FAM163A: variants seen among roughly 807,000 people sequenced by gnomAD.
FAM163A encodes the protein family with sequence similarity 163 member A.
FAM163A carries 7 observed loss-of-function variants against 12.0 expected under a neutral mutation model. The observed-to-expected ratio is 0.58, with a 90% CI of 0.33 to 1.10. FAM163A has a LOEUF of 1.10. Ranked by LOEUF, FAM163A falls within the 50% of genes least tolerant of loss-of-function variation. The pLI, the probability that FAM163A is intolerant of heterozygous loss-of-function variation, is 0.03. For missense variants in FAM163A, 202 were observed against 218.6 expected (o/e 0.92, Z 0.48); for synonymous variants, 101 against 91.0 (o/e 1.11, Z -0.62).
rs80272194 is a variant in FAM163A at position 179,761,309 on chromosome 1, A to T, written c.-136+17886A>T. ...ATACACAAGTATTACTTTTATGATAAGAAGCAAACAACAAACAAAGCTGCT... is the reference window on the plus strand; with the variant it reads ...ATACACAAGTATTACTTTTATGATATGAAGCAAACAACAAACAAAGCTGCT... On this transcript the variant is annotated intron_variant, in intron 1 of 4. Transcript: ENST00000341785. 1.8e-3 allele frequency among the ~76,000 whole-genome samples: 267 copies of T among 152,370 alleles called. 3 individuals carry two copies. The highest frequency in any genetic ancestry group is 0.017 in the East Asian group (88 of 5,196).
At chr1:179,759,721 C>T (rs938512102) in intron 1 of FAM163A, among the ~76,000 whole-genome samples, 4 of 151,978 alleles carry the variant, frequency 2.6e-5, no homozygotes, top group African/African-American at 7.3e-5. Context: ...GGCTGGAGTG[C>T]GGCGGCACAA....
At chr1:179,782,806 A>G (rs1168868992) in intron 1 of FAM163A, among the ~76,000 whole-genome samples, 1 of 151,898 alleles carries the variant, frequency 6.6e-6, no homozygotes, top group Non-Finnish European at 1.5e-5. Flanking sequence ...AGAATATCCA[A>G]CTCTTAGAGG....
At chr1:179,787,140 G>A (rs562080179) in intron 1 of FAM163A, among the ~76,000 whole-genome samples, 48 of 152,358 alleles carry the variant, frequency 3.2e-4, no homozygotes, top group African/African-American at 9.1e-4. Context: ...AAGTGGTCAT[G>A]GAACAAGTGG....
chr1:179,748,141 A>G (rs965724616), intron 1 of FAM163A, among the ~76,000 whole-genome samples: 1 of 152,176 alleles, frequency 6.6e-6, no homozygotes, highest in Non-Finnish European at 1.5e-5. Context: ...TGTTGTTTGG[A>G]AAAAACAGCC....
At chr1:179,768,610 A>AT (rs567089668) in intron 1 of FAM163A, among the ~76,000 whole-genome samples, 2,541 of 144,602 alleles carry the variant, frequency 0.018, 34 homozygotes, top group African/African-American at 0.032. Flanking sequence ...TGGACACTGG[A>AT]TTTTTTTTTT....
At position 179,815,114 on chromosome 1, in the gene FAM163A, G is replaced by GACACACACAC. The variant is rs5779040; in HGVS notation, c.*953_*962dup. On this transcript the variant is annotated 3_prime_UTR_variant, in exon 5 of 5. Transcript: ENST00000341785. ...GTACGCACGCGCGCGCGCGCGCACA[G>GACACACACAC]ACACACACACACACACACACACACA... is the stretch of plus-strand genomic sequence containing the variant. 1.2e-4 allele frequency: 16 copies of GACACACACAC among 129,872 alleles called. No homozygotes were observed. Among genetic ancestry groups the GACACACACAC allele is most frequent in the Non-Finnish European group, 1.6e-4 (10 of 64,282 alleles). 8.0% of individuals were successfully genotyped at this position (129,872 alleles called of 1,614,324 possible). A position where few individuals can be genotyped will look rare whatever the true frequency, so the allele number is the denominator to read the frequency against.
At chr1:179,733,933 C>T in the FAM163A span, among the ~76,000 whole-genome samples, 1 of 152,202 alleles carries the variant, frequency 6.6e-6, no homozygotes, top group Non-Finnish European at 1.5e-5. Flanking sequence ...CAGTTTTCCT[C>T]TTGCCTCATG....
chr1:179,811,615 G>T (rs1156540264), intron 2 of FAM163A, among the ~76,000 whole-genome samples: 2 of 152,222 alleles, frequency 1.3e-5, no homozygotes, highest in African/African-American at 4.8e-5. Context: ...ACACTGCCGG[G>T]CAGGTGCAGC....
At position 179,766,411 on chromosome 1, in the gene FAM163A, G is replaced by T. The variant is rs546014315; in HGVS notation, c.-136+22988G>T. ...AGAAGAATCCAGACCCACAGGCCTG[G>T]CTGGGTTTCCCCACTCAGTCTATTC... On this transcript the variant is annotated intron_variant, in intron 1 of 4. Coordinates refer to ENST00000341785, the MANE Select transcript of FAM163A (RefSeq NM_173509.3). 6.6e-5 allele frequency among the ~76,000 whole-genome samples: 10 copies of T among 152,306 alleles called. 1 individual carries two copies. In the South Asian group the frequency reaches 2.1e-3, roughly 32 times the overall value.
At chr1:179,793,577 T>G (rs1430179444) in intron 1 of FAM163A, among the ~76,000 whole-genome samples, 1 of 152,328 alleles carries the variant, frequency 6.6e-6, no homozygotes, top group East Asian at 1.9e-4. Context: ...AGAGGGTGTC[T>G]TATTAAAGCT....
intron 1 of FAM163A, among the ~76,000 whole-genome samples, chr1:179,779,766 G>C (rs1234352752): frequency 2.0e-5 from 3 of 152,148 alleles, no homozygotes; most frequent in African/African-American, 4.8e-5. Flanking sequence ...AAGATCAGTG[G>C]AGCTTTAACT....
At chr1:179,775,248 A>G (rs1688794079) in intron 1 of FAM163A, among the ~76,000 whole-genome samples, 1 of 152,220 alleles carries the variant, frequency 6.6e-6, no homozygotes, top group Non-Finnish European at 1.5e-5. Context: ...TACAGAGGTC[A>G]TACTCCTGTG....
chr1:179,744,583 A>T (rs1026547649), intron 1 of FAM163A, among the ~76,000 whole-genome samples: 2 of 152,112 alleles, frequency 1.3e-5, no homozygotes, highest in Admixed American at 6.5e-5. Context: ...TTTTCCTGTC[A>T]CACTGGGGGT....
At chr1:179,728,565 C>T in the FAM163A span, among the ~76,000 whole-genome samples, 4 of 152,150 alleles carry the variant, frequency 2.6e-5, no homozygotes, top group African/African-American at 4.8e-5. Flanking sequence ...CCAGTGAATT[C>T]GTGGTCTCCA....
At chr1:179,789,223 C>T (rs1347293556) in intron 1 of FAM163A, among the ~76,000 whole-genome samples, 2 of 152,162 alleles carry the variant, frequency 1.3e-5, no homozygotes, top group Non-Finnish European at 2.9e-5. Context: ...ACTCCGTCAC[C>T]CATGCTGGAG....
At chr1:179,770,405 C>T (rs920680028) in intron 1 of FAM163A, among the ~76,000 whole-genome samples, 1 of 152,120 alleles carries the variant, frequency 6.6e-6, no homozygotes, top group Non-Finnish European at 1.5e-5. Context: ...CTGAACTTCC[C>T]ATCTGTTCTT....
At chr1:179,812,766 G>C (rs1694874353) in intron 3 of FAM163A, among the ~76,000 whole-genome samples, 1 of 152,366 alleles carries the variant, frequency 6.6e-6, no homozygotes, top group South Asian at 2.1e-4. Context: ...CTGTTCCTCT[G>C]TGTCTGCAGC....
intron 1 of FAM163A, among the ~76,000 whole-genome samples, chr1:179,788,259 C>T (rs1191141439): frequency 6.6e-6 from 1 of 152,238 alleles, no homozygotes; most frequent in Non-Finnish European, 1.5e-5. Context: ...ATAATCCTCT[C>T]TCTTTCCCAC....
At chr1:179,745,216 C>T (rs1030462981) in intron 1 of FAM163A, among the ~76,000 whole-genome samples, 1 of 152,092 alleles carries the variant, frequency 6.6e-6, no homozygotes, top group African/African-American at 2.4e-5. Context: ...TCGGCAGCGG[C>T]CCTGCCAGGG....
Sources: gnomAD v4.1 joint callset for allele counts (sites outside exome capture counted in the v4.1 genomes callset) on GRCh38, gnomAD v4.1.1 for gene constraint, MANE v1.5 for transcripts, NCBI Gene and HGNC (gene_info 2026-07-23, HGNC 2026-07-21) for gene names.